The following KIF1A variants were observed in gnomAD, a reference collection of about 807,000 sequenced individuals.
KIF1A encodes kinesin family member 1A.
KIF1A carries 46 observed loss-of-function variants against 227.3 expected under a neutral mutation model. The observed-to-expected ratio is 0.20, with a 90% confidence interval of 0.16 to 0.26. KIF1A has a LOEUF of 0.26. KIF1A is among the 10% of genes least tolerant of loss of function. KIF1A has a pLI of 1.00. For missense variants in KIF1A, 1,683 were observed against 2,485.9 expected (o/e 0.68, Z 6.87); for synonymous variants, 1,022 against 1,012.8 (o/e 1.01, Z -0.17).
intron 11 of KIF1A, among the ~76,000 whole-genome samples, chr2:240,774,819 G>C (rs78681703): frequency 1.9e-3 from 284 of 152,252 alleles, no homozygotes; most frequent in African/African-American, 6.5e-3. Context: ...CTCCACGCCA[G>C]CCCTCAGGAC....
In KIF1A at chr2:240,729,265, T is replaced by TCTTCTGC. The variant is rs544912390; in HGVS notation, c.4008-2326_4008-2325insGCAGAAG. On this transcript the variant is annotated intron_variant, in intron 38 of 48. Coordinates refer to ENST00000498729, the MANE Select transcript of KIF1A (RefSeq NM_001244008.2). ...GACCCTCTGTCTTCTGCCTCCAAAG[T>TCTTCTGC]CCCTAAAGGGCCTCAGCTTGCTTCT... 3.7e-3 allele frequency among the ~76,000 whole-genome samples: 569 copies of TCTTCTGC among 152,256 alleles called. 2 individuals carry two copies. The highest frequency in any genetic ancestry group is 0.013 in the African/African-American group (555 of 41,538).
chr2:240,780,804 A>ACAGCTC (rs2053607147), intron 10 of KIF1A, among the ~76,000 whole-genome samples: 1 of 84,488 alleles, frequency 1.2e-5, no homozygotes, highest in Admixed American at 1.2e-4. Flanking sequence ...AGCTCCACAC[A>ACAGCTC]CACACACACA....
chr2:240,727,147 C>A (rs1486610651), intron 38 of KIF1A, among the ~76,000 whole-genome samples: 3 of 152,174 alleles, frequency 2.0e-5, no homozygotes, highest in African/African-American at 7.2e-5. Flanking sequence ...TTGGACGCCC[C>A]GATGAGGGTG....
intron 38 of KIF1A, among the ~76,000 whole-genome samples, chr2:240,734,284 A>AG (rs2047070504): frequency 1.3e-5 from 2 of 151,956 alleles, no homozygotes; most frequent in South Asian, 4.2e-4. Context: ...TTGCAGGGAG[A>AG]GGGGAGCGGG....
In KIF1A at chr2:240,725,679, G is replaced by T. The variant is rs1185417364; in HGVS notation, c.4123-275C>A. On this transcript the variant is annotated intron_variant, in intron 39 of 48. Transcript: ENST00000498729. The surrounding 1 kb of genome is among the most constrained non-coding windows in gnomAD (Gnocchi z 5.8). ...GGGACCCCGAGGGTCCCAGACATAG[G>T]CTCACTGCTCGGGCCTCAGCTGCCT... The T allele has an allele frequency of 7.2e-6, 3 of 416,200 alleles. No individual in the cohort carries two copies. The highest frequency in any genetic ancestry group is 1.3e-5 in the Non-Finnish European group (3 of 233,420). 25.8% of individuals were successfully genotyped at this position (416,200 alleles called of 1,614,324 possible).
chr2:240,737,223 G>A, intron 37 of KIF1A, 55 bp from the exon 38 acceptor site: 1 of 1,438,822 alleles, frequency 7.0e-7, no homozygotes, highest in Non-Finnish European at 9.8e-7. Context: ...GTGGGACCCT[G>A]GGGGGCTGCC....
intron 2 of KIF1A, among the ~76,000 whole-genome samples, chr2:240,795,792 G>T (rs1263865536): frequency 6.6e-6 from 1 of 152,202 alleles, no homozygotes; most frequent in Non-Finnish European, 1.5e-5. Context: ...CCGCCCACCT[G>T]CCTAACCCTG....
chr2:240,797,792 G>A lies in KIF1A; in HGVS notation c.-40C>T, dbSNP rs1275175785. ...TGGGTCACTCCTCGCAGTAGTGGGAGCCCCAGTGTGGGGGGAACACCTTGG... is the reference window on the plus strand; with the variant it reads ...TGGGTCACTCCTCGCAGTAGTGGGAACCCCAGTGTGGGGGGAACACCTTGG... On this transcript the variant is annotated 5_prime_UTR_variant, in exon 2 of 49. Transcript: ENST00000498729. 2.3e-6 allele frequency: 3 copies of A among 1,324,100 alleles called. No individual in the cohort carries two copies. The highest frequency in any genetic ancestry group is 4.7e-5 in the East Asian group (2 of 42,642). The allele number at this position is 1,324,100 out of a possible 1,614,324, so 82.0% of individuals were successfully genotyped here.
intron 32 of KIF1A, among the ~76,000 whole-genome samples, chr2:240,744,303 G>A (rs1394549160): frequency 3.9e-5 from 6 of 152,164 alleles, no homozygotes; most frequent in Non-Finnish European, 7.3e-5. Flanking sequence ...AACAGGGGCC[G>A]CGTGGCTCAG....
chr2:240,764,132 G>A (rs1055417536), intron 20 of KIF1A, among the ~76,000 whole-genome samples: 2 of 152,244 alleles, frequency 1.3e-5, no homozygotes, highest in East Asian at 1.9e-4. Context: ...CCATAGAGCC[G>A]GCTCTGCCCT....
intron 1 of KIF1A, among the ~76,000 whole-genome samples, chr2:240,805,628 A>G (rs1192344097): frequency 6.6e-6 from 1 of 151,802 alleles, no homozygotes; most frequent in Non-Finnish European, 1.5e-5. Flanking sequence ...GAATAACACA[A>G]TAATCATAAA....
intron 1 of KIF1A, among the ~76,000 whole-genome samples, chr2:240,808,697 A>C (rs1211112661): frequency 2.0e-5 from 3 of 151,922 alleles, no homozygotes; most frequent in Admixed American, 6.6e-5. Flanking sequence ...ATAAAATAAT[A>C]ACCCAAACTA....
intron 10 of KIF1A, among the ~76,000 whole-genome samples, chr2:240,779,132 TCAGTTCCTCA>T (rs1380492738): frequency 1.4e-5 from 2 of 142,560 alleles, no homozygotes; most frequent in African/African-American, 5.6e-5. Context: ...AGTTCCACAC[TCAGTTCCTCA>T]CAGTTCCACA....
intron 5 of KIF1A, among the ~76,000 whole-genome samples, chr2:240,786,745 C>CCACCATCAGGAA (rs2054897011): frequency 6.2e-5 from 7 of 113,546 alleles, no homozygotes; most frequent in Non-Finnish European, 9.5e-5. Context: ...GCCTGCTGGG[C>CCACCATCAGGAA]CCCTGAGTGA....
At chr2:240,819,328 C>A (rs1426675619) in intron 1 of KIF1A, among the ~76,000 whole-genome samples, 1 of 152,194 alleles carries the variant, frequency 6.6e-6, no homozygotes, top group Admixed American at 6.5e-5. Flanking sequence ...CGCAGCCCCT[C>A]CCTCGCCGCC....
At chr2:240,719,954 C>T in intron 45 of KIF1A, 28 bp from the exon 46 acceptor site, 1 of 1,564,858 alleles carries the variant, frequency 6.4e-7, no homozygotes, top group Admixed American at 1.9e-5. Flanking sequence ...GTGCTGCCCA[C>T]TGCAGGCCTC....
Position 240,761,170 on chromosome 2 carries a change from C to T in KIF1A, c.2265+59G>A, listed in dbSNP as rs950085007. The T allele has an allele frequency of 7.9e-5, 122 of 1,544,552 alleles. No individual in the cohort carries two copies. In the Middle Eastern group the frequency reaches 2.1e-3, roughly 26 times the overall value. On this transcript the variant is annotated intron_variant, in intron 24 of 48. Coordinates refer to ENST00000498729, the MANE Select transcript of KIF1A (RefSeq NM_001244008.2). ...CTGAGTCCCAAGTAGCTGTCCCCGT[C>T]ATGAGTGAGGTGACACACTCTCTCC... is the stretch of plus-strand genomic sequence containing the variant.
chr2:240,802,605 G>A lies in KIF1A; in HGVS notation c.-60-4793C>T, dbSNP rs182551909. Among the ~76,000 whole-genome samples, 299 of 152,304 alleles carry A rather than the reference G, an allele frequency of 2.0e-3. 2 individuals carry two copies. In the Middle Eastern group the frequency reaches 0.02, roughly 10 times the overall value. On this transcript the variant is annotated intron_variant, in intron 1 of 48. Transcript: ENST00000498729. ...ATTTGTGCTTGTTCTATCAGCCACTGAGGAGGAGAAAATATATATCGTACA... is the reference window on the plus strand; with the variant it reads ...ATTTGTGCTTGTTCTATCAGCCACTAAGGAGGAGAAAATATATATCGTACA...
Position 240,793,744 on chromosome 2 carries a change from C to T in KIF1A, c.106+3903G>A, listed in dbSNP as rs2056040989. On this transcript the variant is annotated intron_variant, in intron 2 of 48. Transcript: ENST00000498729. This position sits in a 1 kb window ranked among gnomAD's most constrained non-coding sequence, Gnocchi z 4.8. ...GATTACGGGATAACAGTTAAATTTA[C>T]TTTCAAATGCTTCCAATTTCTGCGT... 6.6e-6 allele frequency among the ~76,000 whole-genome samples: 1 copy of T among 152,228 alleles called. No individual in the cohort carries two copies. The highest frequency in any genetic ancestry group is 1.5e-5 in the Non-Finnish European group (1 of 68,036).
Sources: allele counts gnomAD v4.1 joint callset (sites outside exome capture counted in the v4.1 genomes callset), GRCh38; gene constraint gnomAD v4.1.1; non-coding constraint Gnocchi (gnomAD v3.1); transcripts MANE v1.5; gene names NCBI Gene and HGNC (gene_info 2026-07-23, HGNC 2026-07-21).